MARVELD2: variants seen among roughly 807,000 people sequenced by gnomAD.
The protein encoded by MARVELD2 is MARVEL domain containing 2.
Under a neutral mutation model 57.6 loss-of-function variants are expected in MARVELD2, and 49 were observed. The observed-to-expected ratio is 0.85, with a 90% CI of 0.68 to 1.08. MARVELD2 has a LOEUF of 1.08. Among genes scored for constraint, MARVELD2 ranks in the 50% least tolerant of loss-of-function variants. The pLI, the probability that MARVELD2 is intolerant of heterozygous loss-of-function variation, is 0.00. For missense variants in MARVELD2, 606 were observed against 701.1 expected (o/e 0.86, Z 1.53); for synonymous variants, 238 against 258.8 (o/e 0.92, Z 0.77).
intron 6 of MARVELD2, among the ~76,000 whole-genome samples, chr5:69,440,982 G>A (rs902929765): frequency 6.6e-6 from 1 of 152,132 alleles, no homozygotes; most frequent in Non-Finnish European, 1.5e-5. Context: ...TACTTGGGAG[G>A]CTGAAGTGGG....
chr5:69,427,674 G>T (rs1289016230), intron 3 of MARVELD2, among the ~76,000 whole-genome samples: 1 of 152,204 alleles, frequency 6.6e-6, no homozygotes, highest in Non-Finnish European at 1.5e-5. Context: ...CTGGGGCACT[G>T]GGACATTTTC....
rs1767385623 is a variant in MARVELD2 at position 69,443,521 on chromosome 5, A to T, written c.*1867A>T. On this transcript the variant is annotated 3_prime_UTR_variant, in exon 7 of 7. Coordinates refer to ENST00000325631, the MANE Select transcript of MARVELD2 (RefSeq NM_001038603.3). ...GCAGGGATGCTTCATCTTTCTAAGA[A>T]TTATCTTGGCTTTGGACTTTATTCA... 1.3e-5 allele frequency: 2 copies of T among 152,104 alleles called. No homozygotes were observed. The highest frequency in any genetic ancestry group is 1.3e-4 in the Admixed American group (2 of 15,252). 9.4% of individuals were successfully genotyped at this position (152,104 alleles called of 1,614,324 possible). A position where few individuals can be genotyped will look rare whatever the true frequency, so the allele number is the denominator to read the frequency against.
At chr5:69,436,847 G>T (rs1176918926) in intron 5 of MARVELD2, among the ~76,000 whole-genome samples, 1 of 152,080 alleles carries the variant, frequency 6.6e-6, no homozygotes, top group Non-Finnish European at 1.5e-5. Flanking sequence ...GTAAGGCCGG[G>T]TGTGGTGGCT....
Position 69,419,957 on chromosome 5 carries a change from G to T in MARVELD2, c.572G>T (p.Gly191Val), listed in dbSNP as rs772689711. The T allele has an allele frequency of 6.2e-7, 1 of 1,614,160 alleles. No individual in the cohort carries two copies. Among genetic ancestry groups the T allele is most frequent in the Non-Finnish European group, 8.5e-7 (1 of 1,180,032 alleles). Residue 191 changes from glycine to valine, a missense_variant, in exon 2 of 7, where the codon GGC becomes GTC. Physicochemically the swap from Gly to Val is moderately radical, Grantham distance 109 (BLOSUM62 -3). Coordinates refer to ENST00000325631, the MANE Select transcript of MARVELD2 (RefSeq NM_001038603.3). ...LRYSYMKSWAGLLRILGVVEL... is the reference protein window; with the variant it reads ...LRYSYMKSWAVLLRILGVVEL... ...TACTCCTACATGAAGTCGTGGGCAG[G>T]CCTGCTGAGAATACTGGGTGTGGTG...
At chr5:69,439,383 A>G (rs1255954333) in intron 5 of MARVELD2, among the ~76,000 whole-genome samples, 2 of 150,722 alleles carry the variant, frequency 1.3e-5, no homozygotes, top group Non-Finnish European at 3.0e-5. Flanking sequence ...CTGGTCTTGA[A>G]CTCCTGATCT....
At chr5:69,433,159 T>C (rs2150927248) in intron 5 of MARVELD2, 66 bp downstream of exon 5, 1 of 1,408,480 alleles carries the variant, frequency 7.1e-7, no homozygotes. Flanking sequence ...CTGGCTTTTT[T>C]TTTTTTTTTT....
At chr5:69,435,859 C>T (rs898336430) in intron 5 of MARVELD2, among the ~76,000 whole-genome samples, 2 of 151,862 alleles carry the variant, frequency 1.3e-5, no homozygotes, top group Non-Finnish European at 2.9e-5. Flanking sequence ...ACTTTCTGTC[C>T]GAATGGATTT....
At chr5:69,424,470 T>G in intron 2 of MARVELD2, 131 bp from the exon 3 acceptor site, 24 of 744,292 alleles carry the variant, frequency 3.2e-5, no homozygotes, top group Middle Eastern at 2.6e-4. Flanking sequence ...AAAAAAAGGA[T>G]GAGAAACACC....
intron 5 of MARVELD2, 61 bp from the exon 6 acceptor site, chr5:69,440,389 T>G: frequency 1.2e-6 from 1 of 837,528 alleles, no homozygotes; most frequent in Non-Finnish European, 2.0e-6. Flanking sequence ...CAGTGTGCTT[T>G]GAGATATGAT....
intron 2 of MARVELD2, 62 bp downstream of exon 2, chr5:69,420,593 CT>C: frequency 6.7e-7 from 1 of 1,502,338 alleles, no homozygotes; most frequent in Non-Finnish European, 9.1e-7. Context: ...TATTTGCTCC[CT>C]TGTTAAAAAA....
chr5:69,436,815 A>AT (rs1468064074), intron 5 of MARVELD2, among the ~76,000 whole-genome samples: 4 of 152,058 alleles, frequency 2.6e-5, no homozygotes, highest in African/African-American at 9.7e-5. Flanking sequence ...GTTGGGAGAA[A>AT]TAATGAAGAA....
chr5:69,419,768 C>G lies in MARVELD2; in HGVS notation c.383C>G (p.Ser128Trp). The G allele has an allele frequency of 6.2e-7, 1 of 1,614,124 alleles. No homozygotes were observed. Among genetic ancestry groups the G allele is most frequent in the Non-Finnish European group, 8.5e-7 (1 of 1,180,020 alleles). The change falls in exon 2 of 7, where the codon TCG becomes TGG. Residue 128 changes from serine to tryptophan, a missense_variant. Ser to Trp is a radical substitution (Grantham distance 177). Transcript: ENST00000325631. Reference protein sequence around the residue: ...PASPARPNHRSPLNSCKDPYG... With the variant: ...PASPARPNHRWPLNSCKDPYG... Reference sequence around the variant, plus strand: ...TCTCCAGCAAGACCAAACCACCGTTCGCCCCTCAACTCCTGCAAAGATCCC... The same window carrying G: ...TCTCCAGCAAGACCAAACCACCGTTGGCCCCTCAACTCCTGCAAAGATCCC...
intron 3 of MARVELD2, among the ~76,000 whole-genome samples, chr5:69,426,320 CATTATTATT>C (rs61577972): frequency 7.1e-6 from 1 of 140,116 alleles, no homozygotes; most frequent in Admixed American, 7.3e-5. Flanking sequence ...AGATACTGGA[CATTATTATT>C]ATTATTATTA....
intron 1 of MARVELD2, among the ~76,000 whole-genome samples, chr5:69,418,622 T>C (rs1766501385): frequency 6.6e-6 from 1 of 152,202 alleles, no homozygotes; most frequent in Non-Finnish European, 1.5e-5. Context: ...TATTTTAGAC[T>C]GGAAGAAGCA....
chr5:69,436,450 CACAT>C (rs748848412), intron 5 of MARVELD2, among the ~76,000 whole-genome samples: 12,878 of 92,122 alleles, frequency 0.14, 536 homozygotes, highest in East Asian at 0.18. Flanking sequence ...CACACACACA[CACAT>C]ATATATAAAT....
intron 2 of MARVELD2, 49 bp downstream of exon 2, chr5:69,420,580 T>A: frequency 1.3e-6 from 2 of 1,546,740 alleles, no homozygotes; most frequent in Non-Finnish European, 1.8e-6. Context: ...TTGTTTTTTC[T>A]GTTATTTGCT....
At chr5:69,432,065 C>T (rs1766982187) in intron 3 of MARVELD2, among the ~76,000 whole-genome samples, 1 of 151,734 alleles carries the variant, frequency 6.6e-6, no homozygotes, top group South Asian at 2.1e-4. Context: ...AGCTGGAGTG[C>T]AGTGGTACAA....
chr5:69,438,463 A>C (rs143053964), intron 5 of MARVELD2, among the ~76,000 whole-genome samples: 4 of 152,342 alleles, frequency 2.6e-5, no homozygotes, highest in African/African-American at 9.6e-5. Flanking sequence ...GAAGAATTAA[A>C]ATAGTTCAGG....
chr5:69,429,713 T>A (rs1010971837), intron 3 of MARVELD2, among the ~76,000 whole-genome samples: 4 of 152,078 alleles, frequency 2.6e-5, no homozygotes, highest in African/African-American at 7.2e-5. Context: ...GCACCGTGGC[T>A]CACACCTGTA....
Sources: allele counts gnomAD v4.1 joint callset (sites outside exome capture counted in the v4.1 genomes callset), GRCh38; gene constraint gnomAD v4.1.1; transcripts MANE v1.5; gene names NCBI Gene and HGNC (gene_info 2026-07-23, HGNC 2026-07-21).